The following RASL10B variants were observed in gnomAD, a reference collection of about 807,000 sequenced individuals.
The protein encoded by RASL10B is RAS like family 10 member B.
RASL10B carries 10 observed loss-of-function variants against 20.7 expected under a neutral mutation model. That is an observed-to-expected ratio of 0.48 (90% CI 0.30 to 0.82). The LOEUF is 0.82. Ranked by LOEUF, RASL10B falls within the 40% of genes least tolerant of loss-of-function variation. RASL10B has a pLI of 0.07. For synonymous variants in RASL10B, 110 were observed against 123.3 expected (o/e 0.89, Z 0.72); for missense variants, 231 against 295.4 (o/e 0.78, Z 1.60).
chr17:35,735,102 C>A lies in RASL10B; in HGVS notation c.-83C>A. The A allele has an allele frequency of 1.4e-6, 2 of 1,422,732 alleles. No individual in the cohort carries two copies. The highest frequency in any genetic ancestry group is 1.7e-5 in the Admixed American group (1 of 58,462). The allele number at this position is 1,422,732 out of a possible 1,614,324, so 88.1% of individuals were successfully genotyped here. ...CAGCAATGGTTGGTCCTGACGGTGG[C>A]TGAGCCCCCAGCCCCTGGAATATGC... On this transcript the variant is annotated 5_prime_UTR_variant, in exon 2 of 4. In the 5' UTR this introduces an upstream ATG that the reference lacks. Transcript: ENST00000603017. The surrounding 1 kb of genome is among the most constrained non-coding windows in gnomAD (Gnocchi z 6.7).
In RASL10B at chr17:35,741,517, A is replaced by C. The variant is rs1214243214; in HGVS notation, c.*212A>C. 1.4e-6 allele frequency: 1 copy of C among 694,668 alleles called. No homozygotes were observed. Among genetic ancestry groups the C allele is most frequent in the Non-Finnish European group, 2.1e-6 (1 of 469,446 alleles). 43.0% of individuals were successfully genotyped at this position (694,668 alleles called of 1,614,324 possible). ...CCCCTTGCCCCCGTGGCTTCCTGGG[A>C]CAGCCGCCTTCAGTGCTGTATTTAG... On this transcript the variant is annotated 3_prime_UTR_variant, in exon 4 of 4. Transcript: ENST00000603017.
At chr17:35,732,317 C>T (rs191133125) in intron 1 of RASL10B, among the ~76,000 whole-genome samples, 12 of 152,322 alleles carry the variant, frequency 7.9e-5, no homozygotes, top group Admixed American at 7.8e-4. Flanking sequence ...CCAGGCTTCG[C>T]CCCCTGTGTG....
Position 35,735,445 on chromosome 17 carries a change from G to A in RASL10B, c.216+45G>A, listed in dbSNP as rs1377769410. On this transcript the variant is annotated intron_variant, in intron 2 of 3. Transcript: ENST00000603017. The surrounding 1 kb of genome is among the most constrained non-coding windows in gnomAD (Gnocchi z 6.7). ...CATGGGTTAGTGGGGAAACGGATGG[G>A]TAGGGGAGAGGCTGGATTCCAAACT... is the stretch of plus-strand genomic sequence containing the variant. The A allele has an allele frequency of 6.3e-7, 1 of 1,586,134 alleles. No individual in the cohort carries two copies. Among genetic ancestry groups the A allele is most frequent in the Non-Finnish European group, 8.6e-7 (1 of 1,156,786 alleles).
intron 3 of RASL10B, 97 bp from the exon 4 acceptor site, chr17:35,740,938 A>T: frequency 9.9e-7 from 1 of 1,010,136 alleles, no homozygotes; most frequent in Non-Finnish European, 1.5e-6. Flanking sequence ...AGCAGAACCT[A>T]CGGTGGTGGT....
chr17:35,733,221 T>C (rs1171038414), intron 1 of RASL10B, among the ~76,000 whole-genome samples: 3 of 152,104 alleles, frequency 2.0e-5, no homozygotes, highest in Admixed American at 1.3e-4. Context: ...CTGGGATTGC[T>C]AGGAGGTTCC....
Position 35,735,130 on chromosome 17 carries a change from C to A in RASL10B, c.-55C>A. 1.3e-6 allele frequency: 2 copies of A among 1,556,474 alleles called. No homozygotes were observed. The highest frequency in any genetic ancestry group is 1.1e-5 in the South Asian group (1 of 88,840). On this transcript the variant is annotated 5_prime_UTR_variant, in exon 2 of 4. Transcript: ENST00000603017. The surrounding 1 kb of genome is among the most constrained non-coding windows in gnomAD (Gnocchi z 6.7). ...AGCCCCCAGCCCCTGGAATATGCAGCCCGGGGGAGCCCCAGACAGCGGCAA... is the reference window on the plus strand; with the variant it reads ...AGCCCCCAGCCCCTGGAATATGCAGACCGGGGGAGCCCCAGACAGCGGCAA...
rs782145648 is a variant in RASL10B, at chr17:35,735,849, A to C, written c.216+449A>C. On this transcript the variant is annotated intron_variant, in intron 2 of 3. Transcript: ENST00000603017. The surrounding 1 kb of genome is among the most constrained non-coding windows in gnomAD (Gnocchi z 6.7). ...GTGATGTCTCAACTAAATAGGTTTTAGGCAGGTAAGAGTCAGTAGAGAAAA... is the reference window on the plus strand; with the variant it reads ...GTGATGTCTCAACTAAATAGGTTTTCGGCAGGTAAGAGTCAGTAGAGAAAA... Among the ~76,000 whole-genome samples, 25 of 152,332 alleles carry C rather than the reference A, an allele frequency of 1.6e-4. No homozygotes were observed. Among genetic ancestry groups the C allele is most frequent in the Admixed American group, 2.6e-4 (4 of 15,312 alleles).
intron 2 of RASL10B, 43 bp from the exon 3 acceptor site, chr17:35,740,366 C>T (rs375116935): frequency 1.2e-6 from 2 of 1,602,846 alleles, no homozygotes; most frequent in African/African-American, 2.7e-5. Context: ...TAGGGGAGCC[C>T]TCATGGCTGC....
Position 35,735,056 on chromosome 17 carries a change from AG to A in RASL10B, c.-126del. Reference sequence around the variant, plus strand: ...CCCACAGTCCAGGTGGAGGCCGCAGAGGGCCCAGGGCAAGCAGAGGCAGCAA... The same window carrying A: ...CCCACAGTCCAGGTGGAGGCCGCAGAGGCCCAGGGCAAGCAGAGGCAGCAA... On this transcript the variant is annotated 5_prime_UTR_variant, in exon 2 of 4. Transcript: ENST00000603017. This position sits in a 1 kb window ranked among gnomAD's most constrained non-coding sequence, Gnocchi z 6.7. The A allele has an allele frequency of 1.1e-6, 1 of 917,778 alleles. No homozygotes were observed. 56.9% of individuals were successfully genotyped at this position (917,778 alleles called of 1,614,324 possible).
intron 2 of RASL10B, among the ~76,000 whole-genome samples, chr17:35,738,040 C>A (rs1568091631): frequency 6.6e-6 from 1 of 152,076 alleles, no homozygotes; most frequent in Non-Finnish European, 1.5e-5. Flanking sequence ...GTCTTGCCAT[C>A]AGAGTATATT....
intron 2 of RASL10B, chr17:35,736,728 A>G (rs1402379636): frequency 6.6e-6 from 1 of 151,970 alleles, no homozygotes; most frequent in Non-Finnish European, 1.5e-5. Flanking sequence ...AACCACTCTT[A>G]TCGAATTTTT....
chr17:35,741,273 GCGCTGCGCCGCAAC>G lies in RASL10B; in HGVS notation c.590_603del (p.Arg197HisfsTer41), dbSNP rs1568094128. 1 of 1,535,728 alleles carries G rather than the reference GCGCTGCGCCGCAAC, an allele frequency of 6.5e-7. No individual in the cohort carries two copies. The highest frequency in any genetic ancestry group is 8.8e-7 in the Non-Finnish European group (1 of 1,138,912). ...GCACGCTGCCCTGCGCTTCCAGGGCGCGCTGCGCCGCAACCGCTGCGCCATCATGTGACGCCTGC... is the reference window on the plus strand; with the variant it reads ...GCACGCTGCCCTGCGCTTCCAGGGCGCGCTGCGCCATCATGTGACGCCTGC... On this transcript the variant is annotated frameshift_variant, in exon 4 of 4. Transcript: ENST00000603017. LOFTEE classifies it high-confidence loss of function.
intron 2 of RASL10B, among the ~76,000 whole-genome samples, chr17:35,739,415 T>G (rs1480224124): frequency 6.6e-6 from 1 of 152,150 alleles, no homozygotes; most frequent in Non-Finnish European, 1.5e-5. Context: ...ACACACTGGC[T>G]GCCTGAAACC....
intron 2 of RASL10B, among the ~76,000 whole-genome samples, chr17:35,740,100 G>GT (rs1568092943): frequency 1.3e-5 from 2 of 152,200 alleles, no homozygotes; most frequent in Non-Finnish European, 2.9e-5. Flanking sequence ...AAATGTACTT[G>GT]TTGAACAAAG....
intron 1 of RASL10B, among the ~76,000 whole-genome samples, chr17:35,733,316 C>T (rs2085570904): frequency 6.6e-6 from 1 of 152,196 alleles, no homozygotes; most frequent in African/African-American, 2.4e-5. Flanking sequence ...CTACTCTGGC[C>T]TAGGCACTGG....
rs2085629553 is a variant in RASL10B, at chr17:35,741,546, A to G, written c.*241A>G. On this transcript the variant is annotated 3_prime_UTR_variant, in exon 4 of 4. Transcript: ENST00000603017. ...CCGCCTTCAGTGCTGTATTTAGTGC[A>G]GTGCCCGGCCCGACCCGCGGGGGTG... 1 of 520,912 alleles carries G rather than the reference A, an allele frequency of 1.9e-6. No homozygotes were observed. Among genetic ancestry groups the G allele is most frequent in the Non-Finnish European group, 3.1e-6 (1 of 327,556 alleles). 32.3% of individuals were successfully genotyped at this position (520,912 alleles called of 1,614,324 possible).
chr17:35,738,210 C>G lies in RASL10B; in HGVS notation c.217-2199C>G, dbSNP rs587703629. Among the ~76,000 whole-genome samples the G allele has an allele frequency of 5.9e-5, 9 of 152,154 alleles. No individual in the cohort carries two copies. The South Asian group carries it at 1.2e-3, about 21-fold the overall frequency. Reference sequence around the variant, plus strand: ...TTCAAGAACTATTGATGTCCTTTGCCCATTTTTCTATTGGGTTGTTGGCTT... The same window carrying G: ...TTCAAGAACTATTGATGTCCTTTGCGCATTTTTCTATTGGGTTGTTGGCTT... On this transcript the variant is annotated intron_variant, in intron 2 of 3. Coordinates refer to ENST00000603017, the MANE Select transcript of RASL10B (RefSeq NM_033315.4).
chr17:35,736,565 C>A (rs1028173957), intron 2 of RASL10B, among the ~76,000 whole-genome samples: 1 of 152,180 alleles, frequency 6.6e-6, no homozygotes, highest in Admixed American at 6.5e-5. Context: ...CCTGTCAGGG[C>A]AGACAGTCTG....
chr17:35,741,323 G>A lies in RASL10B; in HGVS notation c.*18G>A, dbSNP rs951488416. ...TCATGTGACGCCTGCGCGCCCCTCG[G>A]GCTGCACCGGCACTGGCCGAGCGGA... On this transcript the variant is annotated 3_prime_UTR_variant, in exon 4 of 4. Coordinates refer to ENST00000603017, the MANE Select transcript of RASL10B (RefSeq NM_033315.4). 1.3e-5 allele frequency: 19 copies of A among 1,444,590 alleles called. No individual in the cohort carries two copies. The highest frequency in any genetic ancestry group is 1.6e-5 in the Non-Finnish European group (18 of 1,099,042). The allele number at this position is 1,444,590 out of a possible 1,614,324, so 89.5% of individuals were successfully genotyped here. A position where few individuals can be genotyped will look rare whatever the true frequency, so the allele number is the denominator to read the frequency against.
Sources: gnomAD v4.1 joint callset for allele counts (sites outside exome capture counted in the v4.1 genomes callset) on GRCh38, gnomAD v4.1.1 for gene constraint, Gnocchi (gnomAD v3.1) non-coding constraint, MANE v1.5 for transcripts, NCBI Gene and HGNC (gene_info 2026-07-23, HGNC 2026-07-21) for gene names.